The following RAB11FIP4 variants were observed in gnomAD, a reference collection of about 807,000 sequenced individuals.
RAB11FIP4 encodes rab11 family-interacting protein 4.
A neutral mutation model predicts 74.3 loss-of-function variants in RAB11FIP4; 23 were observed. That is an observed-to-expected ratio of 0.31 (90% CI 0.22 to 0.44). RAB11FIP4 has a LOEUF of 0.44. Among genes scored for constraint, RAB11FIP4 ranks in the 20% least tolerant of loss-of-function variants. The pLI is 1.00. For synonymous variants in RAB11FIP4, 360 were observed against 359.9 expected, an observed-to-expected ratio of 1.00 and a Z score of 0.00; for missense variants, 630 against 863.9, an observed-to-expected ratio of 0.73 and a Z score of 3.39.
chr17:31,506,246 C>T (rs765040081), intron 3 of RAB11FIP4, among the ~76,000 whole-genome samples: 4 of 152,114 alleles, frequency 2.6e-5, no homozygotes, highest in African/African-American at 4.8e-5. Flanking sequence ...TTTAATCCTA[C>T]ATAATCTTTA....
At chr17:31,469,538 G>T (rs1033405243) in intron 3 of RAB11FIP4, among the ~76,000 whole-genome samples, 3 of 150,622 alleles carry the variant, frequency 2.0e-5, no homozygotes, top group African/African-American at 4.9e-5. Context: ...GAGGCAGGAG[G>T]ATCACTTGAG....
At chr17:31,401,610 G>A (rs1361423670) in intron 1 of RAB11FIP4, among the ~76,000 whole-genome samples, 1 of 152,228 alleles carries the variant, frequency 6.6e-6, no homozygotes, top group Admixed American at 6.5e-5. Context: ...GGGCTTACAG[G>A]CGCAAAACCC....
intron 1 of RAB11FIP4, among the ~76,000 whole-genome samples, chr17:31,426,131 G>A (rs577314455): frequency 8.3e-4 from 127 of 152,274 alleles, no homozygotes; most frequent in African/African-American, 2.9e-3. Context: ...TGCTCAGGGC[G>A]CCAGGGGATA....
intron 4 of RAB11FIP4, among the ~76,000 whole-genome samples, chr17:31,520,094 C>CAA (rs10612669): frequency 6.5e-5 from 6 of 91,718 alleles, no homozygotes; most frequent in Middle Eastern, 5.7e-3. Context: ...ACTCTGTCTC[C>CAA]AAAAAAAAAA....
intron 3 of RAB11FIP4, among the ~76,000 whole-genome samples, chr17:31,487,615 G>T (rs376673379): frequency 1.3e-5 from 2 of 152,188 alleles, no homozygotes; most frequent in Admixed American, 6.5e-5. Context: ...GACTCATTAG[G>T]GGGTGGAGGC....
intron 1 of RAB11FIP4, among the ~76,000 whole-genome samples, chr17:31,399,814 C>T (rs1054366418): frequency 6.6e-6 from 1 of 152,006 alleles, no homozygotes; most frequent in Admixed American, 6.6e-5. Context: ...GAGGCTGAGG[C>T]AGGCGGATCA....
chr17:31,480,947 G>T (rs1283352300), intron 3 of RAB11FIP4, among the ~76,000 whole-genome samples: 1 of 151,964 alleles, frequency 6.6e-6, no homozygotes. Flanking sequence ...CCACTAAAAT[G>T]TCAGCTCCAC....
chr17:31,472,422 G>A (rs1303474442), intron 3 of RAB11FIP4, among the ~76,000 whole-genome samples: 1 of 152,164 alleles, frequency 6.6e-6, no homozygotes, highest in Non-Finnish European at 1.5e-5. Flanking sequence ...CATCATAAAG[G>A]CTTCATTCAG....
At chr17:31,430,352 A>ATTTTTTTTTTTTTTTTTTTT in intron 1 of RAB11FIP4, among the ~76,000 whole-genome samples, 1 of 111,778 alleles carries the variant, frequency 8.9e-6, no homozygotes. Context: ...TGGAGTTTGG[A>ATTTTTTTTTTTTTTTTTTTT]TTTTTTTTTT....
At chr17:31,464,149 C>T (rs117350289) in intron 3 of RAB11FIP4, among the ~76,000 whole-genome samples, 2 of 152,106 alleles carry the variant, frequency 1.3e-5, no homozygotes, top group Non-Finnish European at 2.9e-5. Context: ...GCCAGACCCG[C>T]AGGTTCAAGG....
intron 3 of RAB11FIP4, among the ~76,000 whole-genome samples, chr17:31,483,759 T>C (rs906267486): frequency 5.3e-5 from 8 of 152,230 alleles, no homozygotes; most frequent in African/African-American, 1.9e-4. Context: ...CATTAGGTAA[T>C]GTTCAGAAGG....
chr17:31,486,935 G>GCTTCT (rs2071909531), intron 3 of RAB11FIP4, among the ~76,000 whole-genome samples: 1 of 152,198 alleles, frequency 6.6e-6, no homozygotes, highest in African/African-American at 2.4e-5. Flanking sequence ...CAGCCAAGAG[G>GCTTCT]CAGAGAAGTG....
rs114508916 is a variant in RAB11FIP4, at chr17:31,467,782, C to G, written c.336+33660C>G. Reference sequence around the variant, plus strand: ...GCCCAAGGGAGGGCAGCTCCATTACCGCTCTTTTCCTCTTCTCCCATCCCT... The same window carrying G: ...GCCCAAGGGAGGGCAGCTCCATTACGGCTCTTTTCCTCTTCTCCCATCCCT... On this transcript the variant is annotated intron_variant, in intron 3 of 14. Transcript: ENST00000621161. Among the ~76,000 whole-genome samples, 524 of 152,334 alleles carry G rather than the reference C, an allele frequency of 3.4e-3. 3 individuals carry two copies. Among genetic ancestry groups the G allele is most frequent in the African/African-American group, 0.012 (484 of 41,572 alleles).
At chr17:31,441,892 A>G (rs2071409824) in intron 3 of RAB11FIP4, among the ~76,000 whole-genome samples, 1 of 152,132 alleles carries the variant, frequency 6.6e-6, no homozygotes, top group Non-Finnish European at 1.5e-5. Context: ...TTAATTCTAT[A>G]TAACAAGGTA....
At chr17:31,438,501 AC>A (rs1176488059) in intron 3 of RAB11FIP4, among the ~76,000 whole-genome samples, 1 of 149,790 alleles carries the variant, frequency 6.7e-6, no homozygotes, top group Non-Finnish European at 1.5e-5. Flanking sequence ...TTCCCCACTC[AC>A]CCCTGCCTCC....
intron 3 of RAB11FIP4, among the ~76,000 whole-genome samples, chr17:31,474,713 G>A (rs1014567877): frequency 1.3e-5 from 2 of 151,868 alleles, no homozygotes; most frequent in African/African-American, 4.8e-5. Context: ...GAGAGATCCG[G>A]TGCCTGTAAT....
intron 3 of RAB11FIP4, among the ~76,000 whole-genome samples, chr17:31,498,655 A>G (rs2072161554): frequency 6.6e-6 from 1 of 151,992 alleles, no homozygotes; most frequent in Admixed American, 6.5e-5. Context: ...CTGGGTGGGA[A>G]CCCACCCTGG....
intron 3 of RAB11FIP4, among the ~76,000 whole-genome samples, chr17:31,440,979 G>T (rs1400955056): frequency 2.0e-5 from 3 of 151,862 alleles, no homozygotes; most frequent in African/African-American, 7.3e-5. Flanking sequence ...CATTTATTCT[G>T]GCCTTTTATG....
intron 3 of RAB11FIP4, among the ~76,000 whole-genome samples, chr17:31,495,961 T>A (rs1003192820): frequency 1.3e-5 from 2 of 152,246 alleles, no homozygotes; most frequent in African/African-American, 2.4e-5. Context: ...CTTTCCTTTT[T>A]TTCCATTTAA....
Sources: gnomAD v4.1 joint callset for allele counts (sites outside exome capture counted in the v4.1 genomes callset) on GRCh38, gnomAD v4.1.1 for gene constraint, MANE v1.5 for transcripts, NCBI Gene and HGNC (gene_info 2026-07-23, HGNC 2026-07-21) for gene names.